RNF213: variants seen among roughly 807,000 people sequenced by gnomAD.
RNF213 encodes the protein ring finger protein 213.
Under a neutral mutation model 514.4 loss-of-function variants are expected in RNF213, and 341 were observed. That is an observed-to-expected ratio of 0.66 (90% CI 0.61 to 0.73). The LOEUF (loss-of-function observed/expected upper bound fraction) is 0.73. RNF213 is among the 30% of genes least tolerant of loss of function. The pLI is 0.00. For missense variants in RNF213, 5,767 were observed against 6,615.6 expected (o/e 0.87, Z 4.45); for synonymous variants, 2,655 against 2,658.2 (o/e 1.00, Z 0.04).
intron 3 of RNF213, among the ~76,000 whole-genome samples, chr17:80,284,705 C>T (rs1015348832): frequency 6.7e-5 from 10 of 149,030 alleles, no homozygotes; most frequent in Non-Finnish European, 1.2e-4. Context: ...ACTCTGCCTT[C>T]CGGACGGCTC....
intron 3 of RNF213, among the ~76,000 whole-genome samples, chr17:80,279,337 C>T (rs1052180792): frequency 6.6e-6 from 1 of 152,212 alleles, no homozygotes; most frequent in Non-Finnish European, 1.5e-5. Flanking sequence ...GGGCCCGACC[C>T]AGCCTCTGCC....
rs2046245582 is a variant in RNF213, at chr17:80,325,144, A to G, written c.3139A>G (p.Ile1047Val). ...TAGGACCGCGGACAACTTCGATGACATTTTAAAGCATCTGCTCACGTTGGC... is the reference window on the plus strand; with the variant it reads ...TAGGACCGCGGACAACTTCGATGACGTTTTAAAGCATCTGCTCACGTTGGC... ...WPRTADNFDD[I>V]LKHLLTLADV... Residue 1047 changes from isoleucine (I) to valine (V), a missense_variant, in exon 18 of 68, where the codon ATT becomes GTT. By Grantham distance (29) the Ile-to-Val change is conservative. Coordinates refer to ENST00000582970, the MANE Select transcript of RNF213 (RefSeq NM_001256071.3). 3 of 1,537,012 alleles carry G rather than the reference A, an allele frequency of 2.0e-6. No individual in the cohort carries two copies. The highest frequency in any genetic ancestry group is 2.6e-6 in the Non-Finnish European group (3 of 1,146,788).
intron 51 of RNF213, 146 bp downstream of exon 51, chr17:80,376,016 T>C (rs2079742007): frequency 1.3e-6 from 1 of 768,042 alleles, no homozygotes; most frequent in South Asian, 1.5e-5. Flanking sequence ...GAGGAACACA[T>C]AACCAAGCTG....
Position 80,286,201 on chromosome 17 carries a change from G to A in RNF213, c.262-1614G>A, listed in dbSNP as rs373267411. On this transcript the variant is annotated intron_variant, in intron 3 of 67. Coordinates refer to ENST00000582970, the MANE Select transcript of RNF213 (RefSeq NM_001256071.3). ...GGGTTGGTGGCCTGGGGTTGGTGTC[G>A]GACGCAGGCCGGTGTTGGACGCAGG... Among the ~76,000 whole-genome samples the A allele has an allele frequency of 4.2e-4, 64 of 152,034 alleles. 1 individual carries two copies. Among genetic ancestry groups the A allele is most frequent in the South Asian group, 4.1e-3 (20 of 4,820 alleles).
intron 29 of RNF213, 75 bp downstream of exon 29, chr17:80,348,361 A>G: frequency 1.3e-6 from 2 of 1,587,470 alleles, no homozygotes; most frequent in Non-Finnish European, 1.7e-6. Flanking sequence ...AGGATTCAAG[A>G]TTCTTCCCCA....
intron 54 of RNF213, 185 bp from the exon 55 acceptor site, chr17:80,379,435 G>A: frequency 1.5e-6 from 1 of 650,240 alleles, no homozygotes; most frequent in Non-Finnish European, 2.8e-6. Context: ...TTGCCCACGT[G>A]CAACATTAGT....
In RNF213 at chr17:80,376,152, C is replaced by G; in HGVS notation, c.13186-149C>G. ...ATGCTGTGTTTGTATATGCACAATTCTCTTCTCTGAAAAATTTCCCCCTCA... is the reference window on the plus strand; with the variant it reads ...ATGCTGTGTTTGTATATGCACAATTGTCTTCTCTGAAAAATTTCCCCCTCA... On this transcript the variant is annotated intron_variant, in intron 51 of 67. Transcript: ENST00000582970. The G allele has an allele frequency of 5.8e-6, 5 of 868,488 alleles. 1 individual carries two copies. The highest frequency in any genetic ancestry group is 9.3e-6 in the Non-Finnish European group (5 of 539,442). 53.8% of individuals were successfully genotyped at this position (868,488 alleles called of 1,614,324 possible).
At position 80,306,282 on chromosome 17, in the gene RNF213, G is replaced by A. The variant is rs1025659490; in HGVS notation, c.2241G>A (p.Lys747=). ...CCCTACTTCAGTTTATGAGAGAGAAGCAGCATTTGCTGAGCATAGACGAGC... is the reference window on the plus strand; with the variant it reads ...CCCTACTTCAGTTTATGAGAGAGAAACAGCATTTGCTGAGCATAGACGAGC... ...TSSLLQFMRE[K]QHLLSIDEPL... Residue 747 remains lysine (K), a synonymous_variant, in exon 12 of 68, where the codon AAG becomes AAA. Transcript: ENST00000582970. The A allele has an allele frequency of 2.5e-6, 4 of 1,614,028 alleles. No individual in the cohort carries two copies. The highest frequency in any genetic ancestry group is 2.7e-5 in the African/African-American group (2 of 74,900).
intron 60 of RNF213, 65 bp downstream of exon 60, chr17:80,385,236 T>C: frequency 6.3e-7 from 1 of 1,596,608 alleles, no homozygotes; most frequent in Non-Finnish European, 8.6e-7. Context: ...GATCACTGCA[T>C]AGGGGAACAG....
At chr17:80,277,354 T>C (rs1305536456) in intron 3 of RNF213, among the ~76,000 whole-genome samples, 10 of 151,796 alleles carry the variant, frequency 6.6e-5, no homozygotes, top group South Asian at 4.1e-4. Context: ...TCCCAGCACA[T>C]TGGGAGGCTG....
intron 2 of RNF213, among the ~76,000 whole-genome samples, chr17:80,272,928 C>T (rs571839273): frequency 6.6e-6 from 1 of 152,042 alleles, no homozygotes; most frequent in Non-Finnish European, 1.5e-5. Flanking sequence ...TAGAGGTGCC[C>T]GAGGTGCGCT....
intron 16 of RNF213, 125 bp from the exon 17 acceptor site, chr17:80,319,065 A>G: frequency 6.3e-7 from 1 of 1,598,688 alleles, no homozygotes; most frequent in Admixed American, 1.7e-5. Flanking sequence ...GGCCAGGAGA[A>G]GCTTAAAATT....
Position 80,385,136 on chromosome 17 carries a change from G to A in RNF213, c.14420G>A (p.Ser4807Asn). Residue 4807 changes from serine (S) to asparagine (N), a missense_variant, in exon 60 of 68, where the codon AGC becomes AAC. Ser to Asn is a conservative substitution (Grantham distance 46, BLOSUM62 1). This residue lies in a region of RNF213 where 1,245 missense variants were observed against 1,339.0 expected (regional missense o/e 0.93). Transcript: ENST00000582970. ...QFQNVQQVEY[S>N]SIRGFLSKHS... ...CAGAACGTCCAGCAAGTTGAATACA[G>A]CTCCATCAGAGGCTTCCTCAGCAAG... 1 of 1,614,198 alleles carries A rather than the reference G, an allele frequency of 6.2e-7. No individual in the cohort carries two copies. Among genetic ancestry groups the A allele is most frequent in the South Asian group, 1.1e-5 (1 of 91,092 alleles).
intron 59 of RNF213, chr17:80,384,769 TTCATCAGCCTTTGATGGA>T: frequency 2.1e-6 from 1 of 481,620 alleles, no homozygotes; most frequent in East Asian, 4.2e-5. Flanking sequence ...ACAGATTTCC[TTCATCAGCCTTTGATGGA>T]CGCGGCTGAT....
Position 80,353,709 on chromosome 17 carries a change from T to A in RNF213, c.10578+43T>A, listed in dbSNP as rs2078620163. 2 of 1,613,234 alleles carry A rather than the reference T, an allele frequency of 1.2e-6. No homozygotes were observed. The highest frequency in any genetic ancestry group is 1.7e-6 in the Non-Finnish European group (2 of 1,179,180). On this transcript the variant is annotated intron_variant, in intron 34 of 67. Transcript: ENST00000582970. The surrounding 1 kb of genome is among the most constrained non-coding windows in gnomAD (Gnocchi z 5.0). Reference sequence around the variant, plus strand: ...GGACCTCCCCTTGTGCTGCTGGTGATGCTTCTGAGCTGCATCTTTAAACGC... The same window carrying A: ...GGACCTCCCCTTGTGCTGCTGGTGAAGCTTCTGAGCTGCATCTTTAAACGC...
intron 17 of RNF213, among the ~76,000 whole-genome samples, chr17:80,323,193 C>T (rs576496874): frequency 1.1e-4 from 17 of 152,284 alleles, no homozygotes; most frequent in South Asian, 2.1e-4. Flanking sequence ...AATCTGTTGA[C>T]GATACATGTA....
intron 28 of RNF213, among the ~76,000 whole-genome samples, chr17:80,344,393 T>C (rs1279795112): frequency 6.6e-6 from 1 of 152,226 alleles, no homozygotes; most frequent in Non-Finnish European, 1.5e-5. Flanking sequence ...GAGAGTTTTA[T>C]GTTCACTCAC....
rs1472854764 is a variant in RNF213, at chr17:80,303,436, G to GA, written c.2211-2810dup. Among the ~76,000 whole-genome samples the GA allele has an allele frequency of 3.3e-5, 5 of 152,204 alleles. No homozygotes were observed. The East Asian group carries it at 7.7e-4, about 24-fold the overall frequency. On this transcript the variant is annotated intron_variant, in intron 11 of 67. Coordinates refer to ENST00000582970, the MANE Select transcript of RNF213 (RefSeq NM_001256071.3). ...CAAATGCCAAAGACTGGGGACAGCAGAAAAAATGAGGCAGTTGCTCTGTGC... is the reference window on the plus strand; with the variant it reads ...CAAATGCCAAAGACTGGGGACAGCAGAAAAAAATGAGGCAGTTGCTCTGTGC...
chr17:80,295,886 T>C, intron 10 of RNF213, 73 bp downstream of exon 10: 2 of 1,544,936 alleles, frequency 1.3e-6, no homozygotes, highest in Non-Finnish European at 1.8e-6. Context: ...AAATAAGTGC[T>C]TGACTAGAGT....
Sources: allele counts gnomAD v4.1 joint callset (sites outside exome capture counted in the v4.1 genomes callset), GRCh38; gene constraint gnomAD v4.1.1; regional missense constraint gnomAD v4.1.1; non-coding constraint Gnocchi (gnomAD v3.1); transcripts MANE v1.5; gene names NCBI Gene and HGNC (gene_info 2026-07-23, HGNC 2026-07-21).